TFDP2: variants seen among roughly 807,000 people sequenced by gnomAD.
TFDP2 encodes the protein transcription factor Dp-2 (E2F dimerization partner 2).
Under a neutral mutation model 59.3 loss-of-function variants are expected in TFDP2, and 17 were observed. The ratio of observed to expected loss-of-function variants is 0.29; its 90% CI spans 0.20 to 0.43. The LOEUF (loss-of-function observed/expected upper bound fraction) is 0.43, where lower values mean the gene tolerates loss of function less well. Among genes scored for constraint, TFDP2 ranks in the 20% least tolerant of loss-of-function variants. TFDP2 has a pLI of 1.00. For missense variants in TFDP2, 391 were observed against 528.8 expected, an observed-to-expected ratio of 0.74 and a Z score of 2.56; for synonymous variants, 180 against 194.7, an observed-to-expected ratio of 0.92 and a Z score of 0.63.
chr3:141,958,814 T>C (rs1232601863), intron 11 of TFDP2, among the ~76,000 whole-genome samples: 2 of 152,320 alleles, frequency 1.3e-5, no homozygotes, highest in African/African-American at 4.8e-5. Context: ...TACCCCGTTC[T>C]GCCCTTTTTT....
At chr3:142,137,588 AG>A (rs1429950337) in intron 1 of TFDP2, among the ~76,000 whole-genome samples, 2 of 152,314 alleles carry the variant, frequency 1.3e-5, no homozygotes, top group East Asian at 1.9e-4. Context: ...TTTAGCATGA[AG>A]GGCTGTTGAA....
intron 3 of TFDP2, among the ~76,000 whole-genome samples, chr3:142,090,465 A>T (rs1351818801): frequency 6.6e-6 from 1 of 152,066 alleles, no homozygotes; most frequent in Non-Finnish European, 1.5e-5. Context: ...TACCCTTCAG[A>T]TGCCTATTCT....
chr3:141,945,899 ACTT>A lies in TFDP2; in HGVS notation c.*6611_*6613del, dbSNP rs1935196363. 1 of 152,242 alleles carries A rather than the reference ACTT, an allele frequency of 6.6e-6. No homozygotes were observed. The highest frequency in any genetic ancestry group is 1.5e-5 in the Non-Finnish European group (1 of 68,056). 9.4% of individuals were successfully genotyped at this position (152,242 alleles called of 1,614,324 possible). A position where few individuals can be genotyped will look rare whatever the true frequency, so the allele number is the denominator to read the frequency against. On this transcript the variant is annotated 3_prime_UTR_variant, in exon 13 of 13. Transcript: ENST00000489671. ...TGTGGAAGGACCAGTTGGTCACTGA[ACTT>A]CTTGGGCCCCTGCCAATGGCCAGCA...
rs896953544 is a variant in TFDP2, at chr3:141,949,388, C to G, written c.*3125G>C. ...CCATGTTGGTCGCTCCTTTCCCGCC[C>G]TCCTCCAAGGCCCACCTTGATCATA... On this transcript the variant is annotated 3_prime_UTR_variant, in exon 13 of 13. Coordinates refer to ENST00000489671, the MANE Select transcript of TFDP2 (RefSeq NM_001178139.2). 2.0e-5 allele frequency: 3 copies of G among 152,250 alleles called. No individual in the cohort carries two copies. Among genetic ancestry groups the G allele is most frequent in the Non-Finnish European group, 4.4e-5 (3 of 68,102 alleles). The allele number at this position is 152,250 out of a possible 1,614,324, so 9.4% of individuals were successfully genotyped here.
At chr3:142,146,797 G>A (rs2063195777) in intron 1 of TFDP2, among the ~76,000 whole-genome samples, 1 of 152,106 alleles carries the variant, frequency 6.6e-6, no homozygotes, top group Admixed American at 6.5e-5. Flanking sequence ...AAAGTCACTA[G>A]CAGAGGTTAA....
intron 3 of TFDP2, among the ~76,000 whole-genome samples, chr3:142,072,669 A>G (rs1560112778): frequency 1.3e-5 from 2 of 152,232 alleles, no homozygotes; most frequent in Non-Finnish European, 2.9e-5. Context: ...GATGTGTCCA[A>G]GGGACACGGA....
At chr3:141,956,274 GT>G (rs1157414118) in intron 11 of TFDP2, among the ~76,000 whole-genome samples, 1 of 152,150 alleles carries the variant, frequency 6.6e-6, no homozygotes, top group African/African-American at 2.4e-5. Flanking sequence ...AAAAAGACAA[GT>G]AACTCTACTT....
chr3:141,967,103 G>A (rs1938210320), intron 9 of TFDP2, among the ~76,000 whole-genome samples: 1 of 151,092 alleles, frequency 6.6e-6, no homozygotes, highest in Non-Finnish European at 1.5e-5. Flanking sequence ...TTTTAGTAGA[G>A]ACGGGGTTTC....
intron 3 of TFDP2, among the ~76,000 whole-genome samples, chr3:142,038,052 G>C (rs549722426): frequency 1.4e-4 from 22 of 152,218 alleles, no homozygotes. Flanking sequence ...TGCTTCCCAA[G>C]AGTGCTTGTG....
At chr3:142,147,921 T>A (rs927612273) in intron 1 of TFDP2, among the ~76,000 whole-genome samples, 1 of 152,006 alleles carries the variant, frequency 6.6e-6, no homozygotes, top group African/African-American at 2.4e-5. Context: ...AATAACAGGC[T>A]AAACAATGAA....
At chr3:141,984,524 C>T (rs193177571) in intron 6 of TFDP2, among the ~76,000 whole-genome samples, 26 of 152,120 alleles carry the variant, frequency 1.7e-4, no homozygotes, top group African/African-American at 6.0e-4. Flanking sequence ...TTGTATGATT[C>T]CACTTATATG....
chr3:142,014,577 C>T (rs913105022), intron 3 of TFDP2, among the ~76,000 whole-genome samples: 5 of 151,950 alleles, frequency 3.3e-5, no homozygotes, highest in African/African-American at 9.7e-5. Flanking sequence ...GTAACTTGGG[C>T]GAGTTCATAT....
At chr3:142,137,748 A>T (rs992598955) in intron 1 of TFDP2, among the ~76,000 whole-genome samples, 2 of 152,164 alleles carry the variant, frequency 1.3e-5, no homozygotes, top group East Asian at 3.8e-4. Context: ...TGTGTTGGAT[A>T]AGCTTTTTCA....
chr3:142,074,047 A>G (rs2060353214), intron 3 of TFDP2, among the ~76,000 whole-genome samples: 1 of 152,180 alleles, frequency 6.6e-6, no homozygotes, highest in African/African-American at 2.4e-5. Context: ...ACTTACCAAA[A>G]CTACAGTAAT....
At chr3:141,976,659 T>C (rs1199366891) in intron 7 of TFDP2, among the ~76,000 whole-genome samples, 1 of 151,618 alleles carries the variant, frequency 6.6e-6, no homozygotes, top group Non-Finnish European at 1.5e-5. Flanking sequence ...GGCTGGAGGG[T>C]AGTAAATGAG....
chr3:142,095,012 T>C (rs2061117758), intron 2 of TFDP2, among the ~76,000 whole-genome samples: 2 of 152,022 alleles, frequency 1.3e-5, no homozygotes, highest in South Asian at 2.1e-4. Context: ...TTTTTTCAGA[T>C]GGAGTTTCGT....
chr3:141,958,539 G>T (rs532963470), intron 11 of TFDP2, among the ~76,000 whole-genome samples: 138 of 152,288 alleles, frequency 9.1e-4, no homozygotes, highest in Non-Finnish European at 1.7e-3. Context: ...ATATTTGAGG[G>T]GTGGGAAAGG....
At chr3:142,079,686 C>G (rs543880841) in intron 3 of TFDP2, among the ~76,000 whole-genome samples, 1 of 152,112 alleles carries the variant, frequency 6.6e-6, no homozygotes, top group Non-Finnish European at 1.5e-5. Flanking sequence ...CCAAAGCACC[C>G]GGCAGCAGAC....
intron 3 of TFDP2, among the ~76,000 whole-genome samples, chr3:142,067,548 C>A (rs1347691697): frequency 2.0e-5 from 3 of 152,068 alleles, no homozygotes; most frequent in African/African-American, 7.2e-5. Context: ...CAGTTATTCT[C>A]AACTTGATGT....
Sources: allele counts gnomAD v4.1 joint callset (sites outside exome capture counted in the v4.1 genomes callset), GRCh38; gene constraint gnomAD v4.1.1; transcripts MANE v1.5; gene names NCBI Gene and HGNC (gene_info 2026-07-23, HGNC 2026-07-21).